Variants in STPG2 observed in about 807,000 individuals in gnomAD.
The protein encoded by STPG2 is sperm-tail PG-rich repeat-containing protein 2.
Under a neutral mutation model 54.2 loss-of-function variants are expected in STPG2, and 56 were observed. The ratio of observed to expected loss-of-function variants is 1.03; its 90% CI spans 0.83 to 1.29. The LOEUF (loss-of-function observed/expected upper bound fraction) is 1.29, where lower values mean the gene tolerates loss of function less well. Among genes scored for constraint, STPG2 ranks in the 50% most tolerant of loss-of-function variants. STPG2 has a pLI of 0.00. For synonymous variants in STPG2, 200 were observed against 181.8 expected (o/e 1.10, Z -0.81); for missense variants, 596 against 544.9 (o/e 1.09, Z -0.93).
At chr4:97,735,893 G>A (rs1430360350) in intron 9 of STPG2, among the ~76,000 whole-genome samples, 1 of 152,058 alleles carries the variant, frequency 6.6e-6, no homozygotes, top group Non-Finnish European at 1.5e-5. Flanking sequence ...GACCTAAGTA[G>A]ATATTTCTCA....
At chr4:98,059,537 C>T (rs1737579913) in intron 5 of STPG2, among the ~76,000 whole-genome samples, 1 of 151,900 alleles carries the variant, frequency 6.6e-6, no homozygotes. Context: ...AAGACTCCTC[C>T]CCCAAATCAT....
intron 7 of STPG2, among the ~76,000 whole-genome samples, chr4:97,966,380 G>C (rs530690195): frequency 2.6e-5 from 4 of 152,296 alleles, no homozygotes; most frequent in Admixed American, 2.0e-4. Flanking sequence ...TATGTGAAAA[G>C]AATAAATCTA....
chr4:97,556,871 A>T (rs539282776), downstream of STPG2, among the ~76,000 whole-genome samples: 1 of 152,178 alleles, frequency 6.6e-6, no homozygotes, highest in Non-Finnish European at 1.5e-5. Flanking sequence ...ATACCAATAG[A>T]GTACATTAAT....
chr4:98,100,618 C>T (rs1262812071), intron 5 of STPG2, among the ~76,000 whole-genome samples: 1 of 150,676 alleles, frequency 6.6e-6, no homozygotes, highest in East Asian at 2.0e-4. Flanking sequence ...GCCTATCACA[C>T]ACCAAATTTA....
chr4:97,965,850 C>A (rs1734077896), intron 7 of STPG2, among the ~76,000 whole-genome samples: 1 of 152,122 alleles, frequency 6.6e-6, no homozygotes, highest in Non-Finnish European at 1.5e-5. Context: ...TATGCCAAAA[C>A]CCTATCTGTA....
chr4:97,907,850 C>T (rs12245008), intron 8 of STPG2, among the ~76,000 whole-genome samples: 1 of 152,002 alleles, frequency 6.6e-6, no homozygotes, highest in African/African-American at 2.4e-5. Context: ...TTCCTTACAC[C>T]TTATACAAAA....
intron 5 of STPG2, among the ~76,000 whole-genome samples, chr4:98,020,896 G>A (rs890170047): frequency 6.6e-6 from 1 of 151,980 alleles, no homozygotes; most frequent in African/African-American, 2.4e-5. Context: ...GCGTCTATTT[G>A]ATTCTTCTCT....
At chr4:97,905,433 C>G (rs1417371190) in intron 8 of STPG2, among the ~76,000 whole-genome samples, 1 of 151,970 alleles carries the variant, frequency 6.6e-6, no homozygotes. Flanking sequence ...ACCAGGCCTG[C>G]CCTAAAAGAG....
chr4:97,810,446 G>C (rs1403711649), intron 9 of STPG2, among the ~76,000 whole-genome samples: 5 of 143,246 alleles, frequency 3.5e-5, no homozygotes, highest in African/African-American at 1.3e-4. Context: ...CCTGGCAACA[G>C]AGTGAGACTC....
At chr4:97,468,195 A>G (rs1400178570) in intron 4 of STPG2, among the ~76,000 whole-genome samples, 2 of 151,986 alleles carry the variant, frequency 1.3e-5, no homozygotes, top group African/African-American at 4.8e-5. Flanking sequence ...TTTTTTTCCA[A>G]TGTAATGGTT....
chr4:98,070,198 C>T (rs1413162764), intron 5 of STPG2, among the ~76,000 whole-genome samples: 2 of 152,060 alleles, frequency 1.3e-5, no homozygotes, highest in African/African-American at 4.8e-5. Flanking sequence ...CCTCAAGTTG[C>T]AAGGTTAGTG....
intron 4 of STPG2, among the ~76,000 whole-genome samples, chr4:97,470,882 G>A (rs904292851): frequency 5.3e-5 from 8 of 152,088 alleles, no homozygotes; most frequent in Admixed American, 1.3e-4. Flanking sequence ...TAGGCATTGC[G>A]CTGTAGCATT....
chr4:98,118,347 ACT>A (rs1213652907), intron 3 of STPG2, among the ~76,000 whole-genome samples: 1 of 151,920 alleles, frequency 6.6e-6, no homozygotes, highest in Admixed American at 6.6e-5. Context: ...TAGAATCTCA[ACT>A]CTTTTTTTTG....
chr4:97,578,987 A>G (rs1732795501), intron 10 of STPG2, among the ~76,000 whole-genome samples: 1 of 152,168 alleles, frequency 6.6e-6, no homozygotes, highest in Non-Finnish European at 1.5e-5. Flanking sequence ...AACGAACAAT[A>G]TCAGTGCCAT....
chr4:98,018,480 G>A (rs1483942004), intron 5 of STPG2, among the ~76,000 whole-genome samples: 1 of 152,132 alleles, frequency 6.6e-6, no homozygotes, highest in Non-Finnish European at 1.5e-5. Flanking sequence ...ATAAACATAC[G>A]TGTGCATGTG....
At chr4:97,854,412 A>G (rs1463790101) in intron 8 of STPG2, among the ~76,000 whole-genome samples, 1 of 150,704 alleles carries the variant, frequency 6.6e-6, no homozygotes, top group Non-Finnish European at 1.5e-5. Flanking sequence ...CACAAGGCAC[A>G]TAGATAAGCA....
chr4:98,036,781 C>T (rs1376442229), intron 5 of STPG2, among the ~76,000 whole-genome samples: 1 of 151,906 alleles, frequency 6.6e-6, no homozygotes, highest in African/African-American at 2.4e-5. Context: ...ATGTAACAAA[C>T]CTGCACTTGT....
intron 4 of STPG2, among the ~76,000 whole-genome samples, chr4:97,499,848 AT>A (rs1730687257): frequency 6.6e-6 from 1 of 152,000 alleles, no homozygotes; most frequent in East Asian, 1.9e-4. Context: ...GGCCACTTAG[AT>A]GGGATGAGCT....
intron 8 of STPG2, among the ~76,000 whole-genome samples, chr4:97,850,518 T>C (rs774916109): frequency 1.3e-5 from 2 of 151,944 alleles, no homozygotes; most frequent in African/African-American, 2.4e-5. Flanking sequence ...CTATACTTTA[T>C]AAATTTTTTC....
Sources: allele counts gnomAD v4.1 joint callset (sites outside exome capture counted in the v4.1 genomes callset), GRCh38; gene constraint gnomAD v4.1.1; transcripts MANE v1.5; gene names NCBI Gene and HGNC (gene_info 2026-07-23, HGNC 2026-07-21).